The following DCN variants were observed in gnomAD, a reference collection of about 807,000 sequenced individuals.
The protein encoded by DCN is bone proteoglycan II.
In DCN, 17 loss-of-function variants were observed where a neutral mutation model predicts 36.5. That is an observed-to-expected ratio of 0.47 (90% CI 0.32 to 0.70). The LOEUF is 0.70. DCN is among the 30% of genes least tolerant of loss of function. DCN has a pLI of 0.04. For synonymous variants in DCN, 163 were observed against 161.4 expected (o/e 1.01, Z -0.07); for missense variants, 389 against 430.1 (o/e 0.90, Z 0.84).
At chr12:91,173,397 G>A (rs970590678) in intron 2 of DCN, among the ~76,000 whole-genome samples, 2 of 152,108 alleles carry the variant, frequency 1.3e-5, no homozygotes, top group African/African-American at 4.8e-5. Flanking sequence ...TCAGGTCAGG[G>A]AGACAGACGC....
intron 5 of DCN, among the ~76,000 whole-genome samples, chr12:91,155,785 CT>C (rs1473401083): frequency 6.6e-6 from 1 of 152,120 alleles, no homozygotes; most frequent in Non-Finnish European, 1.5e-5. Flanking sequence ...ATAAATCAGT[CT>C]TTATCATCTA....
In DCN at chr12:91,143,815, GAT is replaced by G. The variant is rs753323123; in HGVS notation, c.*2241_*2242del. ...ACATATATATGTATATATGCAAAAAGATATATATATAAATATATATATATAAA... is the reference window on the plus strand; with the variant it reads ...ACATATATATGTATATATGCAAAAAGATATATATAAATATATATATATAAA... On this transcript the variant is annotated 3_prime_UTR_variant, in exon 8 of 8. Transcript: ENST00000052754. The G allele has an allele frequency of 4.1e-5, 6 of 146,446 alleles. No homozygotes were observed. The highest frequency in any genetic ancestry group is 1.0e-4 in the African/African-American group (4 of 40,038). 9.1% of individuals were successfully genotyped at this position (146,446 alleles called of 1,614,324 possible).
intron 2 of DCN, chr12:91,177,501 A>G: frequency 1.5e-6 from 1 of 684,746 alleles, no homozygotes; most frequent in Non-Finnish European, 2.6e-6. Context: ...CTTCAAAAGG[A>G]GGAATGTGAA....
chr12:91,173,859 T>C (rs1340907171), intron 2 of DCN, among the ~76,000 whole-genome samples: 1 of 152,178 alleles, frequency 6.6e-6, no homozygotes, highest in African/African-American at 2.4e-5. Context: ...GTACAATATG[T>C]CCCAAGTGGT....
chr12:91,153,400 G>T (rs11106015), intron 5 of DCN, among the ~76,000 whole-genome samples: 1 of 151,652 alleles, frequency 6.6e-6, no homozygotes, highest in Non-Finnish European at 1.5e-5. Context: ...CTCTTAGGTT[G>T]ACTTTAACAA....
Position 91,151,761 on chromosome 12 carries a change from C to T in DCN, c.778G>A (p.Val260Ile), listed in dbSNP as rs777748635. ...LGLSFNSISA[V>I]DNGSLANTPH... ...GTGTTGGCCAGAGAGCCATTGTCAA[C>T]AGCAGAGATGCTGTTGAAACTCAAT... Residue 260 changes from valine (V) to isoleucine (I), a missense_variant, in exon 7 of 8, where the codon GTT becomes ATT. Transcript: ENST00000052754. 4 of 1,614,124 alleles carry T rather than the reference C, an allele frequency of 2.5e-6. No individual in the cohort carries two copies. Among genetic ancestry groups the T allele is most frequent in the Non-Finnish European group, 3.4e-6 (4 of 1,179,968 alleles).
rs184932755 is a variant in DCN, at chr12:91,142,899, C to T, written c.*3159G>A. On this transcript the variant is annotated 3_prime_UTR_variant, in exon 8 of 8. Coordinates refer to ENST00000052754, the MANE Select transcript of DCN (RefSeq NM_001920.5). ...GGATATTAATGATTAAGTTGTGTCT[C>T]CTCCCAGAAGATATGTTCAATATCA... 6.6e-6 allele frequency: 1 copy of T among 152,214 alleles called. No homozygotes were observed. The highest frequency in any genetic ancestry group is 1.9e-4 in the East Asian group (1 of 5,184). The allele number at this position is 152,214 out of a possible 1,614,324, so 9.4% of individuals were successfully genotyped here. A position where few individuals can be genotyped will look rare whatever the true frequency, so the allele number is the denominator to read the frequency against.
chr12:91,142,141 G>A lies in DCN; in HGVS notation c.*3917C>T, dbSNP rs1028092163. 6.6e-6 allele frequency: 1 copy of A among 152,168 alleles called. No individual in the cohort carries two copies. The highest frequency in any genetic ancestry group is 1.5e-5 in the Non-Finnish European group (1 of 68,032). The allele number at this position is 152,168 out of a possible 1,614,324, so 9.4% of individuals were successfully genotyped here. Reference sequence around the variant, plus strand: ...GAATACATAAACAGATCCACTAGAAGGAATGTTTTAGCAATAAGTGTGGAA... The same window carrying A: ...GAATACATAAACAGATCCACTAGAAAGAATGTTTTAGCAATAAGTGTGGAA... On this transcript the variant is annotated 3_prime_UTR_variant, in exon 8 of 8. Coordinates refer to ENST00000052754, the MANE Select transcript of DCN (RefSeq NM_001920.5).
At chr12:91,148,198 C>T (rs898168103) in intron 7 of DCN, among the ~76,000 whole-genome samples, 1 of 151,840 alleles carries the variant, frequency 6.6e-6, no homozygotes, top group Non-Finnish European at 1.5e-5. Flanking sequence ...CTCAGCCTCC[C>T]GAGTAGCTGG....
At position 91,143,381 on chromosome 12, in the gene DCN, C is replaced by T. The variant is rs745790125; in HGVS notation, c.*2677G>A. On this transcript the variant is annotated 3_prime_UTR_variant, in exon 8 of 8. Coordinates refer to ENST00000052754, the MANE Select transcript of DCN (RefSeq NM_001920.5). ...AAGACAGACATGGTACAATAGGAAA[C>T]GAGAGGACTCTCTGCTGACTTATTT... The T allele has an allele frequency of 3.3e-5, 5 of 152,130 alleles. No individual in the cohort carries two copies. The highest frequency in any genetic ancestry group is 6.5e-5 in the Admixed American group (1 of 15,268). The allele number at this position is 152,130 out of a possible 1,614,324, so 9.4% of individuals were successfully genotyped here. A position where few individuals can be genotyped will look rare whatever the true frequency, so the allele number is the denominator to read the frequency against.
chr12:91,151,106 G>A (rs958164154), intron 7 of DCN: 6 of 156,908 alleles, frequency 3.8e-5, no homozygotes, highest in Admixed American at 1.3e-4. Flanking sequence ...GTGAGCGGGC[G>A]AACTTAGAGG....
intron 3 of DCN, among the ~76,000 whole-genome samples, chr12:91,163,266 G>A (rs1421515780): frequency 6.6e-6 from 1 of 152,090 alleles, no homozygotes; most frequent in African/African-American, 2.4e-5. Context: ...TTATTGGGTT[G>A]GTCATTTCCC....
intron 2 of DCN, among the ~76,000 whole-genome samples, chr12:91,169,456 C>G (rs1413497075): frequency 6.6e-6 from 1 of 150,500 alleles, no homozygotes; most frequent in Admixed American, 6.6e-5. Flanking sequence ...CATCTGGATC[C>G]TGACTCATAT....
intron 1 of DCN, 62 bp downstream of exon 1, chr12:91,182,593 G>A (rs555422852): frequency 1.1e-4 from 17 of 150,520 alleles, no homozygotes; most frequent in African/African-American, 3.9e-4. Flanking sequence ...CCTTTTGCTC[G>A]CAACTTGACC....
At chr12:91,161,765 T>C (rs193199915) in intron 3 of DCN, among the ~76,000 whole-genome samples, 1 of 152,336 alleles carries the variant, frequency 6.6e-6, no homozygotes, top group East Asian at 1.9e-4. Flanking sequence ...AAACTTCTGC[T>C]GATCGTCTAA....
At chr12:91,152,924 G>A (rs987121255) in intron 6 of DCN, among the ~76,000 whole-genome samples, 172 bp downstream of exon 6, 1 of 151,886 alleles carries the variant, frequency 6.6e-6, no homozygotes, top group Non-Finnish European at 1.5e-5. Context: ...TATTTCATTG[G>A]CTTCTTCTCA....
At chr12:91,147,950 T>C (rs954198075) in intron 7 of DCN, among the ~76,000 whole-genome samples, 5 of 152,178 alleles carry the variant, frequency 3.3e-5, no homozygotes, top group African/African-American at 1.2e-4. Flanking sequence ...AAACCGGAAT[T>C]ATACAAAGAA....
chr12:91,157,287 A>C (rs1881849623), intron 4 of DCN, 99 bp from the exon 5 acceptor site: 1 of 849,658 alleles, frequency 1.2e-6, no homozygotes, highest in Admixed American at 1.8e-5. Flanking sequence ...AGAAATAGGG[A>C]TTAATATCAA....
chr12:91,176,689 T>G (rs934093435), intron 2 of DCN: 1 of 152,194 alleles, frequency 6.6e-6, no homozygotes, highest in Non-Finnish European at 1.5e-5. Context: ...CCAACTCTTC[T>G]TTCCTTAAAA....
Sources: allele counts gnomAD v4.1 joint callset (sites outside exome capture counted in the v4.1 genomes callset), GRCh38; gene constraint gnomAD v4.1.1; transcripts MANE v1.5; gene names NCBI Gene and HGNC (gene_info 2026-07-23, HGNC 2026-07-21).